Variants in RBMS3 observed in about 807,000 individuals in gnomAD.
The protein encoded by RBMS3 is RNA binding motif single stranded interacting protein 3, also known as RNA-binding motif, single-stranded-interacting protein 3.
In RBMS3, 27 loss-of-function variants were observed where a neutral mutation model predicts 66.8. That is an observed-to-expected ratio of 0.40 (90% CI 0.30 to 0.56). The LOEUF (loss-of-function observed/expected upper bound fraction) is 0.56. RBMS3 is among the 20% of genes least tolerant of loss of function. The probability of loss-of-function intolerance (pLI) is 0.40; values close to 1 mark genes in which losing one functional copy is unlikely to be tolerated. For synonymous variants in RBMS3, 188 were observed against 183.0 expected, an observed-to-expected ratio of 1.03 and a Z score of -0.22; for missense variants, 513 against 549.5, an observed-to-expected ratio of 0.93 and a Z score of 0.66.
intron 12 of RBMS3, among the ~76,000 whole-genome samples, chr3:29,957,905 C>T (rs1239399858): frequency 6.6e-6 from 1 of 152,134 alleles, no homozygotes; most frequent in African/African-American, 2.4e-5. Context: ...CTATGTTATG[C>T]CTTTTACAGA....
chr3:29,362,257 C>T (rs2037643137), intron 1 of RBMS3, among the ~76,000 whole-genome samples: 1 of 152,208 alleles, frequency 6.6e-6, no homozygotes, highest in African/African-American at 2.4e-5. Context: ...TGTTAGTTTT[C>T]CTTTTAACAG....
At position 29,740,003 on chromosome 3, in the gene RBMS3, T is replaced by C. The variant is rs77670207; in HGVS notation, c.557+126T>C. The C allele has an allele frequency of 4.4e-4, 331 of 752,400 alleles. 6 individuals are homozygous for C. The East Asian group carries it at 9.5e-3, about 22-fold the overall frequency. The allele number at this position is 752,400 out of a possible 1,614,324, so 46.6% of individuals were successfully genotyped here. The stretch of plus-strand genomic sequence containing the variant: ...AAAAAAAAAAAAATTAAAAGTAGCT[T>C]ATCAAATCTGTCATCCCTCTGTGTC... On this transcript the variant is annotated intron_variant, in intron 5 of 14. Coordinates refer to ENST00000383767, the MANE Select transcript of RBMS3 (RefSeq NM_001003793.3).
chr3:29,533,248 C>G (rs2045430936), intron 3 of RBMS3, among the ~76,000 whole-genome samples: 1 of 151,964 alleles, frequency 6.6e-6, no homozygotes, highest in African/African-American at 2.4e-5. Context: ...GAGGCTGAGG[C>G]AGGAGGATCA....
chr3:29,728,230 G>A (rs2149331724), intron 4 of RBMS3, among the ~76,000 whole-genome samples: 1 of 152,154 alleles, frequency 6.6e-6, no homozygotes, highest in South Asian at 2.1e-4. Flanking sequence ...AGGGGAGGGA[G>A]AGGATTGGGA....
chr3:29,327,649 A>G (rs374837468), intron 1 of RBMS3, among the ~76,000 whole-genome samples: 3 of 152,228 alleles, frequency 2.0e-5, no homozygotes, highest in Non-Finnish European at 4.4e-5. Context: ...TACTCATCAT[A>G]AAATGAGAAT....
intron 1 of RBMS3, among the ~76,000 whole-genome samples, chr3:29,347,668 G>C (rs991718017): frequency 2.0e-5 from 3 of 152,164 alleles, no homozygotes; most frequent in African/African-American, 7.2e-5. Context: ...ATGAACCATA[G>C]TCTGGAGGGA....
intron 4 of RBMS3, among the ~76,000 whole-genome samples, chr3:29,699,310 C>T (rs1297571594): frequency 2.0e-5 from 3 of 152,072 alleles, no homozygotes; most frequent in African/African-American, 7.2e-5. Context: ...GCGCCAAACC[C>T]AGCTAATTTT....
intron 4 of RBMS3, 30 bp downstream of exon 4, chr3:29,587,235 T>TTTG: frequency 1.3e-6 from 1 of 750,114 alleles, no homozygotes; most frequent in Non-Finnish European, 1.8e-6. Context: ...GTGTTTTTTT[T>TTTG]TTTTTTTTTT....
intron 6 of RBMS3, among the ~76,000 whole-genome samples, chr3:29,857,521 A>G (rs1178176784): frequency 2.7e-5 from 4 of 146,032 alleles, no homozygotes; most frequent in Non-Finnish European, 6.0e-5. Context: ...GGCTAATTAT[A>G]TTTACTTGTG....
intron 1 of RBMS3, among the ~76,000 whole-genome samples, chr3:29,315,852 A>G (rs756447444): frequency 3.3e-5 from 5 of 151,694 alleles, no homozygotes; most frequent in Non-Finnish European, 7.4e-5. Context: ...TCTCTACCCT[A>G]CCACTATCAC....
At chr3:29,938,336 A>G (rs184842626) in intron 11 of RBMS3, among the ~76,000 whole-genome samples, 1 of 152,112 alleles carries the variant, frequency 6.6e-6, no homozygotes, top group Non-Finnish European at 1.5e-5. Flanking sequence ...CTTAGAGAGT[A>G]AAAGTTTTAA....
intron 4 of RBMS3, among the ~76,000 whole-genome samples, chr3:29,703,978 C>T (rs963149430): frequency 1.3e-5 from 2 of 152,190 alleles, no homozygotes; most frequent in Non-Finnish European, 2.9e-5. Context: ...TTGTGAACTG[C>T]ACATGCAAGA....
intron 10 of RBMS3, among the ~76,000 whole-genome samples, chr3:29,920,867 A>AAT (rs1409724784): frequency 2.0e-4 from 31 of 152,000 alleles, no homozygotes; most frequent in African/African-American, 7.2e-4. Flanking sequence ...AAAAAAAAAA[A>AAT]AAAAACCTCA....
chr3:29,716,882 G>C (rs891467391), intron 4 of RBMS3, among the ~76,000 whole-genome samples: 1 of 149,934 alleles, frequency 6.7e-6, no homozygotes, highest in Non-Finnish European at 1.5e-5. Flanking sequence ...GGCTGGTAGA[G>C]TAAGTCAGCT....
chr3:29,643,537 C>T (rs1433436105), intron 4 of RBMS3, among the ~76,000 whole-genome samples: 2 of 152,154 alleles, frequency 1.3e-5, no homozygotes, highest in Non-Finnish European at 2.9e-5. Flanking sequence ...CAGAATGCAG[C>T]AGAGGAGGAA....
chr3:29,490,742 G>T (rs1245476862), intron 3 of RBMS3, among the ~76,000 whole-genome samples: 2 of 152,180 alleles, frequency 1.3e-5, no homozygotes, highest in Non-Finnish European at 2.9e-5. Context: ...GAGAACATTT[G>T]AGAAGAAAGC....
At chr3:29,719,388 G>C (rs925356389) in intron 4 of RBMS3, among the ~76,000 whole-genome samples, 1 of 152,120 alleles carries the variant, frequency 6.6e-6, no homozygotes, top group Non-Finnish European at 1.5e-5. Flanking sequence ...GCCATAGGTA[G>C]TATTTTATGA....
intron 1 of RBMS3, among the ~76,000 whole-genome samples, chr3:29,331,969 C>A (rs1252794007): frequency 1.3e-5 from 2 of 152,090 alleles, no homozygotes; most frequent in East Asian, 3.9e-4. Context: ...ACTGTGAACT[C>A]TTTGGGGGAG....
At chr3:29,995,830 C>T (rs1699191395) in intron 14 of RBMS3, among the ~76,000 whole-genome samples, 1 of 152,086 alleles carries the variant, frequency 6.6e-6, no homozygotes, top group Non-Finnish European at 1.5e-5. Context: ...AATGTAAAGA[C>T]CATCAAGACT....
Sources: gnomAD v4.1 joint callset for allele counts (sites outside exome capture counted in the v4.1 genomes callset) on GRCh38, gnomAD v4.1.1 for gene constraint, MANE v1.5 for transcripts, NCBI Gene and HGNC (gene_info 2026-07-23, HGNC 2026-07-21) for gene names.